The following BPTF variants were observed in gnomAD, a reference collection of about 807,000 sequenced individuals.
BPTF encodes the protein bromodomain PHD finger transcription factor.
In BPTF, 18 loss-of-function variants were observed where a neutral mutation model predicts 292.5. The observed-to-expected ratio is 0.06, with a 90% confidence interval of 0.04 to 0.09. The LOEUF (loss-of-function observed/expected upper bound fraction) is 0.09, where lower values mean the gene tolerates loss of function less well. Ranked by LOEUF, BPTF falls within the 10% of genes least tolerant of loss-of-function variation. The pLI, the probability that BPTF is intolerant of heterozygous loss-of-function variation, is 1.00. For missense variants in BPTF, 2,726 were observed against 3,498.7 expected (o/e 0.78, Z 5.57); for synonymous variants, 1,225 against 1,251.9 (o/e 0.98, Z 0.45).
intron 3 of BPTF, among the ~76,000 whole-genome samples, chr17:67,867,109 A>T (rs1169480030): frequency 6.6e-6 from 1 of 152,226 alleles, no homozygotes; most frequent in Non-Finnish European, 1.5e-5. Context: ...GACTGTGTGT[A>T]TATTTTACTT....
At chr17:67,871,618 T>G (rs2059743868) in intron 3 of BPTF, among the ~76,000 whole-genome samples, 1 of 152,168 alleles carries the variant, frequency 6.6e-6, no homozygotes. Flanking sequence ...TTTAGAAGAA[T>G]TTTTTCTGAG....
Position 67,825,774 on chromosome 17 carries a change from C to T in BPTF, c.50C>T (p.Ala17Val). The T allele has an allele frequency of 9.6e-7, 1 of 1,043,332 alleles. No homozygotes were observed. The highest frequency in any genetic ancestry group is 1.1e-6 in the Non-Finnish European group (1 of 869,592). The allele number at this position is 1,043,332 out of a possible 1,614,324, so 64.6% of individuals were successfully genotyped here. A position where few individuals can be genotyped will look rare whatever the true frequency, so the allele number is the denominator to read the frequency against. ...CCCAAGCAGCCCGCGGCTCCCGCTG[C>T]GGAGCGCTGCGCCCCGGCCCCGCCG... ...RPPKQPAAPAAERCAPAPPPP... is the reference protein window; with the variant it reads ...RPPKQPAAPAVERCAPAPPPP... Residue 17 changes from alanine (A) to valine (V), a missense_variant, in exon 1 of 28, where the codon GCG becomes GTG. Physicochemically the swap from Ala to Val is moderately conservative, Grantham distance 64. This residue lies in a region of BPTF where 31 missense variants were observed against 53.6 expected (regional missense o/e 0.58). Coordinates refer to ENST00000306378, the MANE Select transcript of BPTF (RefSeq NM_182641.4).
chr17:67,964,233 G>C lies in BPTF; in HGVS notation c.8283G>C (p.Arg2761=), dbSNP rs1555685521. Residue 2761 remains arginine (R), a synonymous_variant, in exon 25 of 28, where the codon CGG becomes CGC. Coordinates refer to ENST00000306378, the MANE Select transcript of BPTF (RefSeq NM_182641.4). ...GCAGATTTTATATTGGCTGTGATCG[G>C]TGTCAGAATTGGTACCATGGGCGCT... is the stretch of plus-strand genomic sequence containing the variant. ...DESKFYIGCD[R]CQNWYHGRCV... 1 of 1,612,346 alleles carries C rather than the reference G, an allele frequency of 6.2e-7. No individual in the cohort carries two copies. Among genetic ancestry groups the C allele is most frequent in the East Asian group, 2.2e-5 (1 of 44,848 alleles).
rs1555674486 is a variant in BPTF, at chr17:67,945,683, T to G, written c.6975T>G (p.Val2325=). ...ACGCACAGTCATCCAAGCCCCAAGT[T>G]GCAGCACAGTCTCAGCCTCAAAGTA... ...PTHAQSSKPQ[V]AAQSQPQSNV... Residue 2325 remains valine (V), a synonymous_variant, in exon 21 of 28, where the codon GTT becomes GTG. Transcript: ENST00000306378. The G allele has an allele frequency of 6.2e-7, 1 of 1,614,092 alleles. No individual in the cohort carries two copies. Among genetic ancestry groups the G allele is most frequent in the South Asian group, 1.1e-5 (1 of 91,064 alleles).
chr17:67,908,948 C>T (rs1162461174), intron 9 of BPTF, among the ~76,000 whole-genome samples: 2 of 150,576 alleles, frequency 1.3e-5, no homozygotes, highest in African/African-American at 4.9e-5. Flanking sequence ...AATTCTCCTG[C>T]CTCAGCCTCC....
At chr17:67,929,690 C>T (rs2064195866) in intron 17 of BPTF, among the ~76,000 whole-genome samples, 1 of 152,132 alleles carries the variant, frequency 6.6e-6, no homozygotes, top group African/African-American at 2.4e-5. Context: ...CAGTTAATGA[C>T]ACATTAGTAT....
intron 1 of BPTF, among the ~76,000 whole-genome samples, chr17:67,833,457 A>G (rs2056887420): frequency 6.6e-6 from 1 of 152,130 alleles, no homozygotes; most frequent in South Asian, 2.1e-4. Context: ...GCCATTAGGA[A>G]TAATGCTGCT....
At chr17:67,970,593 G>T (rs535335475) in intron 26 of BPTF, among the ~76,000 whole-genome samples, 1 of 152,226 alleles carries the variant, frequency 6.6e-6, no homozygotes, top group South Asian at 2.1e-4. Context: ...AATGTGTTTA[G>T]AAATGCATAG....
At chr17:67,885,174 G>C (rs1022813298) in intron 4 of BPTF, among the ~76,000 whole-genome samples, 1 of 152,180 alleles carries the variant, frequency 6.6e-6, no homozygotes, top group Non-Finnish European at 1.5e-5. Flanking sequence ...GGCAGAGGGA[G>C]ACTTTTAATT....
At chr17:67,859,144 TTTAA>T (rs1476433090) in intron 2 of BPTF, among the ~76,000 whole-genome samples, 2 of 152,124 alleles carry the variant, frequency 1.3e-5, no homozygotes, top group African/African-American at 2.4e-5. Context: ...TTATTTTATT[TTTAA>T]TTAATTAATT....
At chr17:67,843,226 C>A (rs980477479) in intron 1 of BPTF, among the ~76,000 whole-genome samples, 3 of 137,590 alleles carry the variant, frequency 2.2e-5, no homozygotes, top group Middle Eastern at 3.7e-3. Context: ...AGATATATAC[C>A]TATATATCTA....
intron 18 of BPTF, among the ~76,000 whole-genome samples, chr17:67,933,188 G>A (rs954781423): frequency 3.9e-5 from 6 of 151,932 alleles, no homozygotes; most frequent in Admixed American, 2.0e-4. Flanking sequence ...AACCCAGGAG[G>A]CGGAGGTTGC....
intron 1 of BPTF, among the ~76,000 whole-genome samples, chr17:67,828,882 A>C (rs1296463214): frequency 6.6e-6 from 1 of 152,170 alleles, no homozygotes; most frequent in Non-Finnish European, 1.5e-5. Context: ...TCCTTATATG[A>C]AATTATTAAC....
At chr17:67,833,417 C>G (rs1303264269) in intron 1 of BPTF, among the ~76,000 whole-genome samples, 1 of 152,050 alleles carries the variant, frequency 6.6e-6, no homozygotes, top group Non-Finnish European at 1.5e-5. Flanking sequence ...TTCTTAAGTT[C>G]ATGGACATCT....
chr17:67,945,647 A>G lies in BPTF; in HGVS notation c.6939A>G (p.Ala2313=). The change falls in exon 21 of 28, where the codon GCA becomes GCG. Residue 2313 remains alanine, a synonymous_variant. Coordinates refer to ENST00000306378, the MANE Select transcript of BPTF (RefSeq NM_182641.4). ...TTVSSHVPSE[A]QPTHAQSSKP... ...TTTCATCCCATGTCCCTTCTGAAGC[A>G]CAACCCACCCACGCACAGTCATCCA... The G allele has an allele frequency of 6.2e-7, 1 of 1,614,034 alleles. No homozygotes were observed. Among genetic ancestry groups the G allele is most frequent in the Non-Finnish European group, 8.5e-7 (1 of 1,180,010 alleles).
chr17:67,887,382 C>T (rs1244714082), intron 4 of BPTF, among the ~76,000 whole-genome samples: 2 of 151,970 alleles, frequency 1.3e-5, no homozygotes, highest in Non-Finnish European at 2.9e-5. Context: ...TAGTAATTGC[C>T]TACTTTTAGC....
At chr17:67,840,312 G>T (rs2057448755) in intron 1 of BPTF, among the ~76,000 whole-genome samples, 1 of 151,866 alleles carries the variant, frequency 6.6e-6, no homozygotes. Context: ...TCATTATGTT[G>T]CCCAGACTGA....
At chr17:67,856,564 A>G (rs2058704071) in intron 2 of BPTF, among the ~76,000 whole-genome samples, 1 of 152,156 alleles carries the variant, frequency 6.6e-6, no homozygotes, top group South Asian at 2.1e-4. Context: ...GGTGGGCCTT[A>G]TCAATTTTGA....
Position 67,975,857 on chromosome 17 carries a change from T to C in BPTF, c.8625T>C (p.Asp2875=). 2 of 1,614,140 alleles carry C rather than the reference T, an allele frequency of 1.2e-6. No individual in the cohort carries two copies. Among genetic ancestry groups the C allele is most frequent in the Non-Finnish European group, 1.7e-6 (2 of 1,179,990 alleles). The change falls in exon 27 of 28, where the codon GAT becomes GAC. Residue 2875 remains aspartate, a synonymous_variant. Transcript: ENST00000306378. ...EFVADMTKIF[D]NCRYYNPSDS... ...TGGCAGATATGACCAAAATTTTTGA[T>C]AACTGTCGTTACTACAATCCAAGTG...
Sources: gnomAD v4.1 joint callset for allele counts (sites outside exome capture counted in the v4.1 genomes callset) on GRCh38, gnomAD v4.1.1 for gene constraint, gnomAD v4.1.1 regional missense constraint, MANE v1.5 for transcripts, NCBI Gene and HGNC (gene_info 2026-07-23, HGNC 2026-07-21) for gene names.